Variants in GRM7 observed in about 807,000 individuals in gnomAD.
GRM7 encodes metabotropic glutamate receptor 7.
GRM7 carries 35 observed loss-of-function variants against 84.5 expected under a neutral mutation model. That is an observed-to-expected ratio of 0.41 (90% CI 0.32 to 0.55). The LOEUF (loss-of-function observed/expected upper bound fraction) is 0.55, where lower values mean the gene tolerates loss of function less well. Ranked by LOEUF, GRM7 falls within the 20% of genes least tolerant of loss-of-function variation. The pLI, the probability that GRM7 is intolerant of heterozygous loss-of-function variation, is 0.19. For missense variants in GRM7, 1,003 were observed against 1,194.6 expected, an observed-to-expected ratio of 0.84 and a Z score of 2.36; for synonymous variants, 487 against 455.1, an observed-to-expected ratio of 1.07 and a Z score of -0.89.
At chr3:7,068,669 G>T (rs945034569) in intron 1 of GRM7, among the ~76,000 whole-genome samples, 1 of 151,946 alleles carries the variant, frequency 6.6e-6, no homozygotes, top group Non-Finnish European at 1.5e-5. Context: ...GGGTTTTCAT[G>T]TTCTGTTCTC....
At chr3:7,066,269 A>G (rs11920032) in intron 1 of GRM7, among the ~76,000 whole-genome samples, 18,466 of 151,916 alleles carry the variant, frequency 0.12, 1,665 homozygotes, top group African/African-American at 0.25. Flanking sequence ...AAACTGATAG[A>G]CCATTAGCAA....
chr3:7,124,175 T>C (rs544262997), intron 1 of GRM7, among the ~76,000 whole-genome samples: 1 of 152,314 alleles, frequency 6.6e-6, no homozygotes, highest in South Asian at 2.1e-4. Context: ...GCAAAAGACA[T>C]TAAATCAGAA....
At chr3:7,519,704 T>C (rs1700522015) in intron 7 of GRM7, 1 of 152,208 alleles carries the variant, frequency 6.6e-6, no homozygotes, top group Non-Finnish European at 1.5e-5. Context: ...TAAAAAAGAA[T>C]TGTTCTGATG....
chr3:7,184,977 G>A (rs1462925642), intron 2 of GRM7, among the ~76,000 whole-genome samples: 1 of 152,150 alleles, frequency 6.6e-6, no homozygotes, highest in Non-Finnish European at 1.5e-5. Flanking sequence ...CCACCATGCT[G>A]AGTATTTTTA....
chr3:7,144,465 A>G (rs1361860779), intron 1 of GRM7, among the ~76,000 whole-genome samples: 1 of 152,210 alleles, frequency 6.6e-6, no homozygotes, highest in East Asian at 1.9e-4. Flanking sequence ...ATGTAAAAAC[A>G]TTTTATTGCC....
In GRM7 at chr3:7,204,832, A is replaced by C. The variant is rs548291871; in HGVS notation, c.736+58164A>C. ...GCATGTGTGATTACTCACATTAAAA[A>C]TAGCTTTGTAAGAGAAAAACGATGT... is the stretch of plus-strand genomic sequence containing the variant. On this transcript the variant is annotated intron_variant, in intron 2 of 9. Transcript: ENST00000357716. Among the ~76,000 whole-genome samples, 14 of 152,362 alleles carry C rather than the reference A, an allele frequency of 9.2e-5. No individual in the cohort carries two copies. The South Asian group carries it at 2.9e-3, about 32-fold the overall frequency.
intron 5 of GRM7, among the ~76,000 whole-genome samples, chr3:7,417,693 G>A (rs189101376): frequency 1.3e-3 from 194 of 152,194 alleles, no homozygotes; most frequent in African/African-American, 4.5e-3. Context: ...TCTGTGACTT[G>A]GCTCTGCTAA....
chr3:7,635,063 C>A (rs1056924954), intron 8 of GRM7, among the ~76,000 whole-genome samples: 6 of 152,162 alleles, frequency 3.9e-5, no homozygotes, highest in African/African-American at 1.4e-4. Flanking sequence ...GCAGCCATAG[C>A]CTCATATGGG....
intron 7 of GRM7, among the ~76,000 whole-genome samples, chr3:7,506,594 T>G (rs915318547): frequency 3.5e-4 from 54 of 152,214 alleles, no homozygotes; most frequent in Non-Finnish European, 1.2e-4. Context: ...GGAAAAATGT[T>G]TATTTAGCCC....
chr3:7,357,332 C>T (rs1467350648), intron 4 of GRM7, among the ~76,000 whole-genome samples: 4 of 151,878 alleles, frequency 2.6e-5, no homozygotes, highest in Non-Finnish European at 5.9e-5. Context: ...CCCTTCTTGC[C>T]AGTTTTGTTT....
chr3:7,597,748 A>G (rs945651268), intron 8 of GRM7, among the ~76,000 whole-genome samples: 9 of 152,286 alleles, frequency 5.9e-5, no homozygotes, highest in Middle Eastern at 3.4e-3. Flanking sequence ...AGGACCATGG[A>G]TGACAATTAG....
Position 7,581,218 on chromosome 3 carries a change from C to A in GRM7, c.2451+1861C>A, listed in dbSNP as rs77573392. Among the ~76,000 whole-genome samples, 193 of 152,184 alleles carry A rather than the reference C, an allele frequency of 1.3e-3. 2 individuals are homozygous for A. The highest frequency in any genetic ancestry group is 4.5e-3 in the African/African-American group (187 of 41,526). ...AGGTCACAGGTATAATTTATGCATT[C>A]ATTTAAAAACCTGAAATTGAAACAA... On this transcript the variant is annotated intron_variant, in intron 8 of 9. Coordinates refer to ENST00000357716, the MANE Select transcript of GRM7 (RefSeq NM_000844.4).
chr3:7,727,570 A>G (rs1457815806), intron 9 of GRM7, among the ~76,000 whole-genome samples: 3 of 152,204 alleles, frequency 2.0e-5, no homozygotes, highest in Admixed American at 6.5e-5. Context: ...AGACTGACAC[A>G]TTATGTCCCA....
chr3:7,245,456 G>T (rs1456449682), intron 2 of GRM7, among the ~76,000 whole-genome samples: 1 of 151,848 alleles, frequency 6.6e-6, no homozygotes. Flanking sequence ...AGCAATGCTG[G>T]ACCTCATATG....
intron 2 of GRM7, among the ~76,000 whole-genome samples, chr3:7,253,071 C>T (rs1698064288): frequency 7.3e-6 from 1 of 137,422 alleles, no homozygotes; most frequent in South Asian, 2.4e-4. Flanking sequence ...TAATGGTGGA[C>T]ATGGCAGCAA....
In GRM7 at chr3:7,481,752, T is replaced by G. The variant is rs1333043116; in HGVS notation, c.1515+20030T>G. ...GGATATTAAATGTACACAATGCCTA[T>G]GTAAAGTTCTTAGCGAACATAGAGA... On this transcript the variant is annotated intron_variant, in intron 7 of 9. Transcript: ENST00000357716. Among the ~76,000 whole-genome samples, 3 of 152,202 alleles carry G rather than the reference T, an allele frequency of 2.0e-5. No homozygotes were observed. In the East Asian group the frequency reaches 5.8e-4, roughly 29 times the overall value.
chr3:7,136,443 A>G (rs762685637), intron 1 of GRM7, among the ~76,000 whole-genome samples: 1 of 152,114 alleles, frequency 6.6e-6, no homozygotes, highest in Non-Finnish European at 1.5e-5. Context: ...AAAAAAACAA[A>G]AACAGAGTGA....
At chr3:7,086,913 G>T (rs1377763358) in intron 1 of GRM7, among the ~76,000 whole-genome samples, 1 of 152,156 alleles carries the variant, frequency 6.6e-6, no homozygotes, top group Non-Finnish European at 1.5e-5. Flanking sequence ...CAATGCTGTT[G>T]TTTCTGTGTC....
At chr3:7,031,004 A>C (rs1696164152) in intron 1 of GRM7, among the ~76,000 whole-genome samples, 1 of 152,234 alleles carries the variant, frequency 6.6e-6, no homozygotes, top group African/African-American at 2.4e-5. Flanking sequence ...CTTATTGAAA[A>C]AATATGTTTG....
Sources: gnomAD v4.1 joint callset for allele counts (sites outside exome capture counted in the v4.1 genomes callset) on GRCh38, gnomAD v4.1.1 for gene constraint, MANE v1.5 for transcripts, NCBI Gene and HGNC (gene_info 2026-07-23, HGNC 2026-07-21) for gene names.